Variants in DNAL1 observed in about 807,000 individuals in gnomAD.
The protein encoded by DNAL1 is dynein axonemal light chain 1, also known as chromosome 14 open reading frame 168.
Under a neutral mutation model 29.4 loss-of-function variants are expected in DNAL1, and 17 were observed. That is an observed-to-expected ratio of 0.58 (90% CI 0.40 to 0.87). DNAL1 has a LOEUF of 0.87. DNAL1 is among the 40% of genes least tolerant of loss of function. The pLI is 0.00. For missense variants in DNAL1, 188 were observed against 214.1 expected (o/e 0.88, Z 0.76); for synonymous variants, 78 against 76.3 (o/e 1.02, Z -0.12).
Position 73,698,371 on chromosome 14 carries a change from C to T in DNAL1, c.*2429C>T, listed in dbSNP as rs1039254535. The stretch of plus-strand genomic sequence containing the variant: ...TCTCTCAAATCATTCCCTAAATTAT[C>T]CTTTACTGCTGCAAATTTAGCTGAT... On this transcript the variant is annotated 3_prime_UTR_variant, in exon 8 of 8. Transcript: ENST00000553645. The T allele has an allele frequency of 6.6e-6, 1 of 152,136 alleles. No homozygotes were observed. The highest frequency in any genetic ancestry group is 1.5e-5 in the Non-Finnish European group (1 of 68,024). The allele number at this position is 152,136 out of a possible 1,614,324, so 9.4% of individuals were successfully genotyped here.
At chr14:73,670,067 T>C (rs1891581760) in intron 4 of DNAL1, among the ~76,000 whole-genome samples, 1 of 152,186 alleles carries the variant, frequency 6.6e-6, no homozygotes, top group Non-Finnish European at 1.5e-5. Flanking sequence ...TTTTAGGTAA[T>C]TATCTCATTT....
At chr14:73,686,927 C>T (rs1056940474) in intron 5 of DNAL1, among the ~76,000 whole-genome samples, 1 of 151,656 alleles carries the variant, frequency 6.6e-6, no homozygotes, top group African/African-American at 2.4e-5. Flanking sequence ...ATTTGAAAAC[C>T]GTACCATTAA....
intron 7 of DNAL1, among the ~76,000 whole-genome samples, chr14:73,693,811 A>C (rs1892231700): frequency 6.6e-6 from 1 of 152,160 alleles, no homozygotes; most frequent in Admixed American, 6.5e-5. Flanking sequence ...GGCCTGAGGC[A>C]GTTTTGGGGG....
intron 5 of DNAL1, among the ~76,000 whole-genome samples, chr14:73,681,942 A>G (rs1295502046): frequency 1.3e-5 from 2 of 151,648 alleles, no homozygotes; most frequent in South Asian, 2.1e-4. Context: ...GAGAAACCCC[A>G]TCTCTATTGA....
intron 5 of DNAL1, among the ~76,000 whole-genome samples, chr14:73,677,326 G>T (rs1250764468): frequency 6.6e-6 from 1 of 151,340 alleles, no homozygotes; most frequent in South Asian, 2.1e-4. Context: ...GAGTCTGGTG[G>T]TGGTGTTGAT....
Position 73,687,330 on chromosome 14 carries a change from C to T in DNAL1, c.336C>T (p.His112=). 2.5e-6 allele frequency: 4 copies of T among 1,612,590 alleles called. No individual in the cohort carries two copies. Among genetic ancestry groups the T allele is most frequent in the Non-Finnish European group, 3.4e-6 (4 of 1,179,260 alleles). ...TTATTGAGAAGTTGAAAGGGATCCA[C>T]ATAATGAAGAAATTGAAGATTCTCT... ...YNFIEKLKGI[H]IMKKLKILYM... Residue 112 remains histidine (H), a synonymous_variant, in exon 6 of 8, where the codon CAC becomes CAT. Transcript: ENST00000553645.
At chr14:73,662,087 T>C in intron 4 of DNAL1, 45 bp downstream of exon 4, 2 of 1,474,714 alleles carry the variant, frequency 1.4e-6, no homozygotes, top group Admixed American at 2.0e-5. Context: ...TTCCTAGTTA[T>C]TTTAATAAAC....
rs944955694 is a variant in DNAL1, at chr14:73,698,347, C to G, written c.*2405C>G. The stretch of plus-strand genomic sequence containing the variant: ...GATGTATGAAGAAATGTAGGATATT[C>G]TCTCAAATCATTCCCTAAATTATCC... On this transcript the variant is annotated 3_prime_UTR_variant, in exon 8 of 8. Coordinates refer to ENST00000553645, the MANE Select transcript of DNAL1 (RefSeq NM_031427.4). The G allele has an allele frequency of 2.0e-5, 3 of 152,168 alleles. No individual in the cohort carries two copies. The highest frequency in any genetic ancestry group is 7.2e-5 in the African/African-American group (3 of 41,450). The allele number at this position is 152,168 out of a possible 1,614,324, so 9.4% of individuals were successfully genotyped here.
chr14:73,662,807 CTT>C (rs61249050), intron 4 of DNAL1, among the ~76,000 whole-genome samples: 9,047 of 135,172 alleles, frequency 0.067, 766 homozygotes, highest in African/African-American at 0.23. Context: ...CTGCAAAGTA[CTT>C]TTTTTTTTTT....
rs1243050344 is a variant in DNAL1, at chr14:73,698,516, T to A, written c.*2574T>A. 1 of 151,584 alleles carries A rather than the reference T, an allele frequency of 6.6e-6. No homozygotes were observed. Among genetic ancestry groups the A allele is most frequent in the African/African-American group, 2.4e-5 (1 of 41,184 alleles). 9.4% of individuals were successfully genotyped at this position (151,584 alleles called of 1,614,324 possible). ...TAGTGGATCATTTAAATTTTTTCTA[T>A]TCTGTTTTTTTTTGTTTGTTTGTTT... On this transcript the variant is annotated 3_prime_UTR_variant, in exon 8 of 8. Transcript: ENST00000553645.
intron 1 of DNAL1, among the ~76,000 whole-genome samples, chr14:73,654,380 G>A (rs1372708246): frequency 1.3e-5 from 2 of 152,108 alleles, no homozygotes; most frequent in Admixed American, 6.6e-5. Flanking sequence ...TGCATATAAA[G>A]TCTCAAAGAA....
chr14:73,676,067 GA>G (rs1231695439), intron 5 of DNAL1, among the ~76,000 whole-genome samples: 1 of 149,534 alleles, frequency 6.7e-6, no homozygotes, highest in Non-Finnish European at 1.5e-5. Flanking sequence ...TTTTGAGACG[GA>G]GTCAAAATTT....
In DNAL1 at chr14:73,698,276, T is replaced by C. The variant is rs376454067; in HGVS notation, c.*2334T>C. Reference sequence around the variant, plus strand: ...TCAACAAATCTTTGAATGACTTCTATGCATCCCTGTTCATGGAACCCATGC... The same window carrying C: ...TCAACAAATCTTTGAATGACTTCTACGCATCCCTGTTCATGGAACCCATGC... On this transcript the variant is annotated 3_prime_UTR_variant, in exon 8 of 8. Transcript: ENST00000553645. 3.3e-5 allele frequency: 5 copies of C among 152,226 alleles called. No homozygotes were observed. The highest frequency in any genetic ancestry group is 1.9e-4 in the East Asian group (1 of 5,192). The allele number at this position is 152,226 out of a possible 1,614,324, so 9.4% of individuals were successfully genotyped here.
chr14:73,678,150 G>A (rs1047595885), intron 5 of DNAL1, among the ~76,000 whole-genome samples: 6 of 151,458 alleles, frequency 4.0e-5, no homozygotes, highest in Admixed American at 1.3e-4. Flanking sequence ...TGCCCATGTC[G>A]GCCTCCCAAA....
chr14:73,695,729 A>G (rs533791790), intron 7 of DNAL1, among the ~76,000 whole-genome samples, 173 bp from the exon 8 acceptor site: 2 of 152,158 alleles, frequency 1.3e-5, no homozygotes, highest in East Asian at 3.9e-4. Context: ...GGGTTTCACC[A>G]TGTTGGCCAG....
At chr14:73,688,402 G>A (rs1290856302) in intron 6 of DNAL1, among the ~76,000 whole-genome samples, 2 of 152,154 alleles carry the variant, frequency 1.3e-5, no homozygotes, top group African/African-American at 2.4e-5. Context: ...CTGAGGTCAG[G>A]AGTTTGAGAC....
rs145061843 is a variant in DNAL1, at chr14:73,666,740, A to T, written c.208+4698A>T. ...AAAGTTGCATATATTTGTTATCTCC[A>T]ATTGCTGAGGTCATTTCTCAGTCCT... is the stretch of plus-strand genomic sequence containing the variant. On this transcript the variant is annotated intron_variant, in intron 4 of 7. Coordinates refer to ENST00000553645, the MANE Select transcript of DNAL1 (RefSeq NM_031427.4). 1.5e-3 allele frequency among the ~76,000 whole-genome samples: 230 copies of T among 152,230 alleles called. 1 individual carries two copies. The highest frequency in any genetic ancestry group is 4.7e-3 in the African/African-American group (197 of 41,544).
chr14:73,677,775 T>C (rs1891775172), intron 5 of DNAL1, among the ~76,000 whole-genome samples: 1 of 150,920 alleles, frequency 6.6e-6, no homozygotes, highest in African/African-American at 2.4e-5. Flanking sequence ...GCCAGGATGG[T>C]CTCGATCTCC....
At chr14:73,648,418 T>TATATATATATATATATA (rs1566878086) in intron 1 of DNAL1, among the ~76,000 whole-genome samples, 1 of 9,430 alleles carries the variant, frequency 1.1e-4, no homozygotes, top group African/African-American at 5.9e-4. Context: ...ATATATATAT[T>TATATATATATATATATA]TGTTGTTTGT....
Sources: gnomAD v4.1 joint callset for allele counts (sites outside exome capture counted in the v4.1 genomes callset) on GRCh38, gnomAD v4.1.1 for gene constraint, MANE v1.5 for transcripts, NCBI Gene and HGNC (gene_info 2026-07-23, HGNC 2026-07-21) for gene names.